The following MAP2K1 variants were observed in gnomAD, a reference collection of about 807,000 sequenced individuals.
The protein encoded by MAP2K1 is mitogen-activated protein kinase kinase 1.
In MAP2K1, 16 loss-of-function variants were observed where a neutral mutation model predicts 46.3. The observed-to-expected ratio is 0.35, with a 90% CI of 0.23 to 0.52. The LOEUF (loss-of-function observed/expected upper bound fraction) is 0.52. Among genes scored for constraint, MAP2K1 ranks in the 20% least tolerant of loss-of-function variants. The pLI, the probability that MAP2K1 is intolerant of heterozygous loss-of-function variation, is 0.94. For missense variants in MAP2K1, 263 were observed against 497.1 expected (o/e 0.53, Z 4.48); for synonymous variants, 183 against 185.6 (o/e 0.99, Z 0.11).
intron 1 of MAP2K1, among the ~76,000 whole-genome samples, chr15:66,422,614 A>G (rs79905202): frequency 0.023 from 3,518 of 152,280 alleles, 75 homozygotes; most frequent in Non-Finnish European, 0.031. Context: ...ATGAACAAGC[A>G]CTGGAAGGAA....
chr15:66,395,766 C>G (rs73469985), intron 1 of MAP2K1, among the ~76,000 whole-genome samples: 25 of 151,648 alleles, frequency 1.6e-4, no homozygotes, highest in African/African-American at 6.1e-4. Flanking sequence ...TTAGTAGAGA[C>G]GGCGTCTCAC....
intron 1 of MAP2K1, among the ~76,000 whole-genome samples, chr15:66,404,724 C>G (rs900813781): frequency 6.6e-6 from 1 of 152,112 alleles, no homozygotes; most frequent in Admixed American, 6.5e-5. Context: ...TATGCAGTCC[C>G]TGGGAAGAGT....
At chr15:66,489,807 T>C (rs775605669) in intron 10 of MAP2K1, 44 bp downstream of exon 10, 3 of 1,502,044 alleles carry the variant, frequency 2.0e-6, no homozygotes, top group Non-Finnish European at 2.8e-6. Context: ...TGTTTATTCA[T>C]TTGTTCTTCT....
chr15:66,391,994 G>A (rs1300118429), intron 1 of MAP2K1, among the ~76,000 whole-genome samples: 2 of 152,296 alleles, frequency 1.3e-5, no homozygotes, highest in African/African-American at 4.8e-5. Context: ...CACACTTTCA[G>A]GTCAGTGGGA....
In MAP2K1 at chr15:66,420,791, GTGTATA is replaced by G. The variant is rs2093437808; in HGVS notation, c.81-14234_81-14229del. Among the ~76,000 whole-genome samples, 4 of 58,886 alleles carry G rather than the reference GTGTATA, an allele frequency of 6.8e-5. 2 individuals are homozygous for G. The highest frequency in any genetic ancestry group is 4.3e-4 in the Admixed American group (2 of 4,696). The allele number at this position is 58,886 out of a possible 152,430, so 38.6% of individuals were successfully genotyped here. ...TGTATATATATGTGTATATATATGT[GTGTATA>G]TATATGTGTATATATATGTGTATAT... is the stretch of plus-strand genomic sequence containing the variant. On this transcript the variant is annotated intron_variant, in intron 1 of 10. Coordinates refer to ENST00000307102, the MANE Select transcript of MAP2K1 (RefSeq NM_002755.4).
chr15:66,407,081 C>A (rs1364794887), intron 1 of MAP2K1, among the ~76,000 whole-genome samples: 1 of 152,102 alleles, frequency 6.6e-6, no homozygotes, highest in Non-Finnish European at 1.5e-5. Context: ...TCCAACTGCC[C>A]AACATCACGG....
chr15:66,432,959 A>AGTGTGTGTGTGTGTGT (rs1164509967), intron 1 of MAP2K1, among the ~76,000 whole-genome samples: 3,737 of 131,920 alleles, frequency 0.028, 134 homozygotes, highest in South Asian at 0.051. Flanking sequence ...CATCATGCAC[A>AGTGTGTGTGTGTGTGT]GTGTGTGTGT....
intron 3 of MAP2K1, among the ~76,000 whole-genome samples, chr15:66,438,812 A>C (rs2093495774): frequency 6.6e-6 from 1 of 152,144 alleles, no homozygotes. Context: ...GAGTGACTGA[A>C]TGAGAGTGGC....
intron 5 of MAP2K1, among the ~76,000 whole-genome samples, chr15:66,463,738 C>T (rs532073487): frequency 1.3e-5 from 2 of 152,372 alleles, no homozygotes; most frequent in African/African-American, 2.4e-5. Context: ...CCTGCCTTGG[C>T]CTCCCAAAGT....
intron 1 of MAP2K1, among the ~76,000 whole-genome samples, chr15:66,414,450 A>C (rs1250018271): frequency 6.6e-6 from 1 of 152,154 alleles, no homozygotes; most frequent in Non-Finnish European, 1.5e-5. Flanking sequence ...AAGAAGAGGC[A>C]TATAGGGTAA....
intron 1 of MAP2K1, among the ~76,000 whole-genome samples, chr15:66,428,773 CTTTTTTTTTTTT>C (rs1196428468): frequency 1.0e-4 from 8 of 78,200 alleles, no homozygotes; most frequent in South Asian, 8.3e-4. Flanking sequence ...ATTTTCTTTC[CTTTTTTTTTTTT>C]TTTTTTTTTT....
intron 1 of MAP2K1, among the ~76,000 whole-genome samples, chr15:66,400,467 A>G (rs760850131): frequency 7.9e-5 from 12 of 152,232 alleles, no homozygotes; most frequent in Non-Finnish European, 1.8e-4. Flanking sequence ...CAGAGAACAC[A>G]GAGACTAGGA....
chr15:66,473,294 G>T (rs1892682835), intron 5 of MAP2K1, among the ~76,000 whole-genome samples: 1 of 152,166 alleles, frequency 6.6e-6, no homozygotes, highest in African/African-American at 2.4e-5. Flanking sequence ...GAGAGATCAG[G>T]CTGGGCGTAG....
Position 66,430,366 on chromosome 15 carries a change from TC to T in MAP2K1, c.81-4659del, listed in dbSNP as rs1011601236. 5.3e-5 allele frequency among the ~76,000 whole-genome samples: 8 copies of T among 152,322 alleles called. No individual in the cohort carries two copies. The East Asian group carries it at 1.3e-3, about 26-fold the overall frequency. On this transcript the variant is annotated intron_variant, in intron 1 of 10. Transcript: ENST00000307102. ...GTGATTGGTTGTCATCCTCTTCCCT[TC>T]CTGCAGTGTACCCTCCTGGCAGAGG...
intron 1 of MAP2K1, among the ~76,000 whole-genome samples, chr15:66,396,570 C>T (rs1324853620): frequency 1.3e-5 from 2 of 151,584 alleles, no homozygotes; most frequent in Non-Finnish European, 2.9e-5. Context: ...GTATCTGCCC[C>T]GGATGGTACC....
At chr15:66,435,931 C>T (rs12050779) in intron 2 of MAP2K1, among the ~76,000 whole-genome samples, 42,107 of 152,040 alleles carry the variant, frequency 0.28, 6,504 homozygotes, top group South Asian at 0.37. Flanking sequence ...ATCTGAACTC[C>T]TATCATAGCA....
chr15:66,433,837 C>G (rs1336070416), intron 1 of MAP2K1, among the ~76,000 whole-genome samples: 1 of 152,186 alleles, frequency 6.6e-6, no homozygotes, highest in Non-Finnish European at 1.5e-5. Flanking sequence ...CCAATGAAAT[C>G]CAGTGAAACA....
chr15:66,484,974 TCTGTCTCTCCTGCAG>T lies in MAP2K1; in HGVS notation c.694-14_694del. The stretch of plus-strand genomic sequence containing the variant: ...AAGTTAGGTTAGGTGATTATCACTG[TCTGTCTCTCCTGCAG>T]CCAGAAAGACTCCAGGGGACTCATT... On this transcript the variant is annotated splice_acceptor_variant and splice_polypyrimidine_tract_variant and intron_variant, in intron 6 of 10. Coordinates refer to ENST00000307102, the MANE Select transcript of MAP2K1 (RefSeq NM_002755.4). LOFTEE classifies it high-confidence loss of function. 1 of 1,609,834 alleles carries T rather than the reference TCTGTCTCTCCTGCAG, an allele frequency of 6.2e-7. No homozygotes were observed. The highest frequency in any genetic ancestry group is 2.2e-5 in the East Asian group (1 of 44,852).
chr15:66,477,617 G>A (rs1183163761), intron 5 of MAP2K1, among the ~76,000 whole-genome samples: 1 of 152,222 alleles, frequency 6.6e-6, no homozygotes, highest in Non-Finnish European at 1.5e-5. Flanking sequence ...AAGTGGCAGG[G>A]TCAGGATTTG....
Sources: allele counts gnomAD v4.1 joint callset (sites outside exome capture counted in the v4.1 genomes callset), GRCh38; gene constraint gnomAD v4.1.1; transcripts MANE v1.5; gene names NCBI Gene and HGNC (gene_info 2026-07-23, HGNC 2026-07-21).